Variants in OSBP2 observed in about 807,000 individuals in gnomAD.
The protein encoded by OSBP2 is oxysterol-binding protein 2.
In OSBP2, 66 loss-of-function variants were observed where a neutral mutation model predicts 96.0. The ratio of observed to expected loss-of-function variants is 0.69; its 90% CI spans 0.56 to 0.84. The LOEUF is 0.84. Ranked by LOEUF, OSBP2 falls within the 40% of genes least tolerant of loss-of-function variation. The pLI is 0.00. For missense variants in OSBP2, 1,038 were observed against 1,222.7 expected (o/e 0.85, Z 2.25); for synonymous variants, 525 against 520.9 (o/e 1.01, Z -0.11).
chr22:30,843,961 C>T (rs953675148), intron 2 of OSBP2, among the ~76,000 whole-genome samples: 1 of 151,784 alleles, frequency 6.6e-6, no homozygotes, highest in African/African-American at 2.4e-5. Flanking sequence ...GGAGACTTCA[C>T]CTTCCTGGGC....
intron 4 of OSBP2, 44 bp downstream of exon 4, chr22:30,887,662 A>C: frequency 6.7e-7 from 1 of 1,493,568 alleles, no homozygotes. Flanking sequence ...ACCTTCTGCC[A>C]GCTGGCTCTG....
chr22:30,737,201 A>C (rs764551328), intron 1 of OSBP2, among the ~76,000 whole-genome samples: 3 of 151,134 alleles, frequency 2.0e-5, no homozygotes, highest in Non-Finnish European at 2.9e-5. Context: ...TTATTAGTAG[A>C]GATGGGATTT....
chr22:30,849,315 C>T (rs745384930), intron 2 of OSBP2, among the ~76,000 whole-genome samples: 5 of 152,072 alleles, frequency 3.3e-5, no homozygotes, highest in Non-Finnish European at 7.4e-5. Context: ...ACAAAATAAA[C>T]TGCTACACTT....
intron 2 of OSBP2, among the ~76,000 whole-genome samples, chr22:30,806,526 C>A (rs1481083777): frequency 6.6e-6 from 1 of 152,100 alleles, no homozygotes; most frequent in Non-Finnish European, 1.5e-5. Flanking sequence ...TGGAGCAGAG[C>A]CCTTGGAAAT....
At chr22:30,864,860 C>A (rs923914521) in intron 2 of OSBP2, among the ~76,000 whole-genome samples, 3 of 152,142 alleles carry the variant, frequency 2.0e-5, no homozygotes, top group African/African-American at 4.8e-5. Flanking sequence ...TATGCCTTAA[C>A]CCTGGAGGAG....
intron 1 of OSBP2, among the ~76,000 whole-genome samples, chr22:30,725,179 AAC>A (rs1415312231): frequency 1.2e-5 from 1 of 86,546 alleles, no homozygotes; most frequent in Non-Finnish European, 2.6e-5. Context: ...CTGTCTCAAA[AAC>A]AAAAAAACAA....
At chr22:30,775,763 A>T (rs922551436) in intron 2 of OSBP2, among the ~76,000 whole-genome samples, 1 of 152,042 alleles carries the variant, frequency 6.6e-6, no homozygotes, top group African/African-American at 2.4e-5. Context: ...ATAGGTGTGT[A>T]TATTTATGGG....
chr22:30,886,980 G>C (rs960178292), intron 3 of OSBP2, among the ~76,000 whole-genome samples: 7 of 152,154 alleles, frequency 4.6e-5, no homozygotes, highest in African/African-American at 1.7e-4. Flanking sequence ...TCCATAGATA[G>C]AGCAGCCCCC....
chr22:30,827,914 G>T lies in OSBP2; in HGVS notation c.854-42515G>T, dbSNP rs1357463958. On this transcript the variant is annotated intron_variant, in intron 2 of 13. Coordinates refer to ENST00000332585, the MANE Select transcript of OSBP2 (RefSeq NM_030758.4). ...AAACTGAGGCTCAAGGAAGAGAGATGACTTTTTCAAGATCACACAGGCAGG... is the reference window on the plus strand; with the variant it reads ...AAACTGAGGCTCAAGGAAGAGAGATTACTTTTTCAAGATCACACAGGCAGG... Among the ~76,000 whole-genome samples the T allele has an allele frequency of 1.3e-5, 2 of 152,212 alleles. 1 individual carries two copies. Among genetic ancestry groups the T allele is most frequent in the South Asian group, 4.1e-4 (2 of 4,832 alleles).
chr22:30,719,522 A>G (rs2145701045), intron 1 of OSBP2, among the ~76,000 whole-genome samples: 1 of 152,240 alleles, frequency 6.6e-6, no homozygotes, highest in East Asian at 1.9e-4. Context: ...TGGGAGGCCA[A>G]GGTGAGTGGA....
intron 9 of OSBP2, 106 bp downstream of exon 9, chr22:30,893,348 T>A (rs1365426756): frequency 6.5e-7 from 1 of 1,545,176 alleles, no homozygotes; most frequent in East Asian, 2.2e-5. Flanking sequence ...GAGACCTCCC[T>A]GTAGGCCTGC....
intron 2 of OSBP2, among the ~76,000 whole-genome samples, chr22:30,790,640 T>C (rs2090660995): frequency 1.4e-5 from 2 of 140,364 alleles, no homozygotes; most frequent in African/African-American, 2.7e-5. Flanking sequence ...TGAAGAGATA[T>C]GTCAAACTGC....
intron 13 of OSBP2, 51 bp from the exon 14 acceptor site, chr22:30,906,146 G>C (rs1321386399): frequency 6.2e-7 from 1 of 1,612,278 alleles, no homozygotes; most frequent in East Asian, 2.2e-5. Flanking sequence ...GACGGATTCC[G>C]GGGGAGCAGG....
chr22:30,725,169 C>G (rs1354772368), intron 1 of OSBP2, among the ~76,000 whole-genome samples: 5 of 118,936 alleles, frequency 4.2e-5, no homozygotes, highest in Admixed American at 1.9e-4. Flanking sequence ...GAGCAAGACT[C>G]TGTCTCAAAA....
At position 30,881,639 on chromosome 22, in the gene OSBP2, G is replaced by A. The variant is rs2147135094; in HGVS notation, c.1108-5787G>A. The A allele has an allele frequency of 7.7e-7, 1 of 1,300,120 alleles. No individual in the cohort carries two copies. The highest frequency in any genetic ancestry group is 1.0e-6 in the Non-Finnish European group (1 of 985,946). 80.5% of individuals were successfully genotyped at this position (1,300,120 alleles called of 1,614,324 possible). A position where few individuals can be genotyped will look rare whatever the true frequency, so the allele number is the denominator to read the frequency against. ...TGCCAGTCCCTCTGCCGGGCCCCAA[G>A]CCTAATCCAGCTTATCAAGCACACA... On this transcript the variant is annotated intron_variant, in intron 3 of 13. Coordinates refer to ENST00000332585, the MANE Select transcript of OSBP2 (RefSeq NM_030758.4). This position sits in a 1 kb window ranked among gnomAD's most constrained non-coding sequence, Gnocchi z 4.5.
Position 30,695,482 on chromosome 22 carries a change from G to C in OSBP2, c.573G>C (p.Lys191Asn). 6.2e-7 allele frequency: 1 copy of C among 1,613,374 alleles called. No individual in the cohort carries two copies. Among genetic ancestry groups the C allele is most frequent in the Non-Finnish European group, 8.5e-7 (1 of 1,180,044 alleles). ...ACAGCTTCGAGGGCTGGCTTCTCAA[G>C]TGGACCAACTATCTGAAGGGCTACC... is the stretch of plus-strand genomic sequence containing the variant. ...PLDSFEGWLL[K>N]WTNYLKGYQR... The change falls in exon 1 of 14, where the codon AAG (lysine) becomes AAC (asparagine). Residue 191 changes from lysine (K) to asparagine (N), a missense_variant. Physicochemically the swap from Lys to Asn is moderately conservative, Grantham distance 94. Transcript: ENST00000332585.
At chr22:30,737,539 T>C (rs183515705) in intron 1 of OSBP2, among the ~76,000 whole-genome samples, 2 of 151,452 alleles carry the variant, frequency 1.3e-5, no homozygotes, top group East Asian at 2.0e-4. Context: ...ATGTTGCCCA[T>C]GCTGGTCTTG....
At chr22:30,725,556 A>C (rs192105096) in intron 1 of OSBP2, among the ~76,000 whole-genome samples, 2,294 of 147,304 alleles carry the variant, frequency 0.016, 32 homozygotes, top group Middle Eastern at 0.045. Context: ...AAAAAAAAAA[A>C]CACACAAAAA....
At chr22:30,725,504 C>T (rs13054994) in intron 1 of OSBP2, among the ~76,000 whole-genome samples, 1 of 150,948 alleles carries the variant, frequency 6.6e-6, no homozygotes, top group Non-Finnish European at 1.5e-5. Context: ...GAGTGAGACT[C>T]TTCAGCCCCC....
Sources: allele counts gnomAD v4.1 joint callset (sites outside exome capture counted in the v4.1 genomes callset), GRCh38; gene constraint gnomAD v4.1.1; non-coding constraint Gnocchi (gnomAD v3.1); transcripts MANE v1.5; gene names NCBI Gene and HGNC (gene_info 2026-07-23, HGNC 2026-07-21).